Variants in CTNNA3 observed in about 807,000 individuals in gnomAD.
CTNNA3 encodes catenin alpha 3.
A neutral mutation model predicts 95.7 loss-of-function variants in CTNNA3; 76 were observed. The observed-to-expected ratio is 0.79, with a 90% CI of 0.66 to 0.96. The LOEUF is 0.96. Among genes scored for constraint, CTNNA3 ranks in the 40% least tolerant of loss-of-function variants. The probability of loss-of-function intolerance (pLI) is 0.00; values close to 1 mark genes in which losing one functional copy is unlikely to be tolerated. For missense variants in CTNNA3, 1,191 were observed against 1,089.8 expected, an observed-to-expected ratio of 1.09 and a Z score of -1.31; for synonymous variants, 431 against 374.4, an observed-to-expected ratio of 1.15 and a Z score of -1.74.
intron 7 of CTNNA3, among the ~76,000 whole-genome samples, chr10:67,153,168 G>T (rs891578393): frequency 6.6e-6 from 1 of 152,076 alleles, no homozygotes; most frequent in Admixed American, 6.6e-5. Context: ...TAGAGACGGG[G>T]TTTCACCATA....
intron 7 of CTNNA3, among the ~76,000 whole-genome samples, chr10:66,947,002 A>G (rs1023741563): frequency 5.3e-5 from 8 of 152,164 alleles, no homozygotes; most frequent in Admixed American, 2.0e-4. Context: ...CAAGAAGGAC[A>G]CTGAGGTAAT....
chr10:66,337,439 C>T (rs2092409456), intron 12 of CTNNA3, among the ~76,000 whole-genome samples: 1 of 152,056 alleles, frequency 6.6e-6, no homozygotes, highest in Non-Finnish European at 1.5e-5. Flanking sequence ...TTTAATCCTC[C>T]ACAGTGCTAT....
At chr10:65,984,858 A>G (rs2133313403) in intron 16 of CTNNA3, among the ~76,000 whole-genome samples, 1 of 151,436 alleles carries the variant, frequency 6.6e-6, no homozygotes, top group South Asian at 2.1e-4. Context: ...TGTCTCTCAT[A>G]AAAGTGAATG....
intron 7 of CTNNA3, among the ~76,000 whole-genome samples, chr10:66,791,903 C>T (rs192780057): frequency 1.2e-3 from 177 of 152,128 alleles, no homozygotes; most frequent in Non-Finnish European, 2.0e-3. Flanking sequence ...CACTATAATC[C>T]GTATACATAT....
At chr10:65,968,777 C>T (rs934319221) in intron 16 of CTNNA3, among the ~76,000 whole-genome samples, 2 of 152,164 alleles carry the variant, frequency 1.3e-5, no homozygotes, top group African/African-American at 4.8e-5. Context: ...TTTAGGCCAC[C>T]CCAAATCTGT....
chr10:66,996,458 C>A (rs185712754), intron 7 of CTNNA3, among the ~76,000 whole-genome samples: 2 of 151,898 alleles, frequency 1.3e-5, no homozygotes, highest in South Asian at 4.2e-4. Flanking sequence ...CCAGGCTGGG[C>A]AATATGGTGA....
chr10:67,379,429 AG>A (rs1455304059), intron 5 of CTNNA3, among the ~76,000 whole-genome samples: 1 of 152,256 alleles, frequency 6.6e-6, no homozygotes, highest in African/African-American at 2.4e-5. Context: ...ATAAATTGAA[AG>A]GCATTATACA....
intron 11 of CTNNA3, among the ~76,000 whole-genome samples, chr10:66,515,639 A>C (rs12242017): frequency 0.03 from 4,614 of 152,206 alleles, 231 homozygotes; most frequent in African/African-American, 0.11. Context: ...ACAGTTCCAC[A>C]TGGCTAGGGA....
chr10:66,881,582 A>G (rs548442928), intron 7 of CTNNA3, among the ~76,000 whole-genome samples: 104 of 152,192 alleles, frequency 6.8e-4, no homozygotes, highest in African/African-American at 2.4e-3. Context: ...ATAACTTTAG[A>G]TTTGTGGTGC....
chr10:65,913,710 G>A lies in CTNNA3; in HGVS notation c.*6620C>T, dbSNP rs1215076323. On this transcript the variant is annotated 3_prime_UTR_variant, in exon 18 of 18. Coordinates refer to ENST00000433211, the MANE Select transcript of CTNNA3 (RefSeq NM_013266.4). ...GGAAGGAGGATAGTTCTGTTTAACT[G>A]AGAGCAGGGGCTAGCATCTCTGACT... 2 of 152,104 alleles carry A rather than the reference G, an allele frequency of 1.3e-5. No homozygotes were observed. Among genetic ancestry groups the A allele is most frequent in the Admixed American group, 1.3e-4 (2 of 15,254 alleles). The allele number at this position is 152,104 out of a possible 1,614,324, so 9.4% of individuals were successfully genotyped here. A position where few individuals can be genotyped will look rare whatever the true frequency, so the allele number is the denominator to read the frequency against.
At chr10:67,515,973 AT>A (rs1839798853) in intron 5 of CTNNA3, among the ~76,000 whole-genome samples, 1 of 151,876 alleles carries the variant, frequency 6.6e-6, no homozygotes, top group Non-Finnish European at 1.5e-5. Flanking sequence ...TGATTTATTT[AT>A]TTTTTGACAT....
chr10:67,377,567 G>T lies in CTNNA3; in HGVS notation c.579+144275C>A, dbSNP rs766757024. 2.9e-4 allele frequency among the ~76,000 whole-genome samples: 44 copies of T among 152,002 alleles called. 1 individual carries two copies. Among genetic ancestry groups the T allele is most frequent in the Non-Finnish European group, 7.4e-5 (5 of 68,002 alleles). ...GGGGATAAATTGTTTTAAATTTTTT[G>T]CAGGTTGCTGAATTCTGAGATGTTT... On this transcript the variant is annotated intron_variant, in intron 5 of 17. Transcript: ENST00000433211.
intron 5 of CTNNA3, among the ~76,000 whole-genome samples, chr10:67,484,621 C>A (rs1443738763): frequency 6.6e-6 from 1 of 151,992 alleles, no homozygotes; most frequent in Non-Finnish European, 1.5e-5. Context: ...AACCAAATAA[C>A]CCCATTAAAA....
intron 1 of CTNNA3, among the ~76,000 whole-genome samples, chr10:67,649,261 T>C (rs1050563621): frequency 6.6e-6 from 1 of 152,222 alleles, no homozygotes; most frequent in African/African-American, 2.4e-5. Context: ...TTTAAAAACA[T>C]GTCATTTTCA....
intron 7 of CTNNA3, among the ~76,000 whole-genome samples, chr10:67,141,235 G>A (rs1860546964): frequency 6.6e-6 from 1 of 151,956 alleles, no homozygotes; most frequent in Non-Finnish European, 1.5e-5. Flanking sequence ...ATCTTTAAAT[G>A]TACACCATGT....
At chr10:67,219,269 C>G (rs879523840) in intron 6 of CTNNA3, among the ~76,000 whole-genome samples, 1 of 152,198 alleles carries the variant, frequency 6.6e-6, no homozygotes, top group Non-Finnish European at 1.5e-5. Context: ...ATGTCCCAAG[C>G]ACATAGAACA....
chr10:67,587,193 TTGTGTGTGTGTGTG>T (rs57140243), intron 3 of CTNNA3, among the ~76,000 whole-genome samples: 253 of 130,152 alleles, frequency 1.9e-3, no homozygotes, highest in South Asian at 5.0e-3. Context: ...CCCAGCTAAC[TTGTGTGTGTGTGTG>T]TGTGTGTGTG....
chr10:66,474,839 T>C lies in CTNNA3; in HGVS notation c.1531+45778A>G, dbSNP rs985047933. On this transcript the variant is annotated intron_variant, in intron 11 of 17. Coordinates refer to ENST00000433211, the MANE Select transcript of CTNNA3 (RefSeq NM_013266.4). ...ATACTTGTTAGTGATTTGTATATGA[T>C]TGTATATGGTGTTTCTTTTGGGAAA... Among the ~76,000 whole-genome samples, 47 of 152,150 alleles carry C rather than the reference T, an allele frequency of 3.1e-4. 1 individual carries two copies. The highest frequency in any genetic ancestry group is 1.1e-3 in the African/African-American group (45 of 41,544).
chr10:66,712,460 A>G (rs78623424), intron 9 of CTNNA3, among the ~76,000 whole-genome samples: 3,001 of 152,256 alleles, frequency 0.02, 52 homozygotes, highest in Middle Eastern at 0.058. Context: ...TCAAGAAGGT[A>G]GTTAGTCACC....
Sources: allele counts gnomAD v4.1 joint callset (sites outside exome capture counted in the v4.1 genomes callset), GRCh38; gene constraint gnomAD v4.1.1; transcripts MANE v1.5; gene names NCBI Gene and HGNC (gene_info 2026-07-23, HGNC 2026-07-21).